The following DBF4 variants were observed in gnomAD, a reference collection of about 807,000 sequenced individuals.
DBF4 encodes DBF4-CDC7 kinase regulatory subunit, also known as protein DBF4 homolog A.
DBF4 carries 25 observed loss-of-function variants against 76.6 expected under a neutral mutation model. The observed-to-expected ratio is 0.33, with a 90% CI of 0.24 to 0.46. The LOEUF (loss-of-function observed/expected upper bound fraction) is 0.46. Among genes scored for constraint, DBF4 ranks in the 20% least tolerant of loss-of-function variants. The pLI is 1.00. For synonymous variants in DBF4, 213 were observed against 258.0 expected (o/e 0.83, Z 1.67); for missense variants, 638 against 760.8 (o/e 0.84, Z 1.90).
intron 8 of DBF4, among the ~76,000 whole-genome samples, chr7:87,898,546 C>T (rs973506846): frequency 2.0e-5 from 3 of 152,068 alleles, no homozygotes; most frequent in Non-Finnish European, 4.4e-5. Flanking sequence ...AATCCTAGCA[C>T]TTTGGGAGGC....
chr7:87,886,991 T>C (rs1233874147), intron 4 of DBF4, 97 bp downstream of exon 4: 2 of 873,618 alleles, frequency 2.3e-6, no homozygotes, highest in Non-Finnish European at 3.5e-6. Flanking sequence ...TCCACATTTT[T>C]AGGCAAAAAC....
intron 11 of DBF4, among the ~76,000 whole-genome samples, chr7:87,906,055 G>T (rs1193144883): frequency 1.3e-5 from 2 of 152,042 alleles, no homozygotes; most frequent in Non-Finnish European, 2.9e-5. Flanking sequence ...CTACTTAGGA[G>T]GCTGAGGCGC....
chr7:87,903,944 C>T (rs1376684733), intron 10 of DBF4, among the ~76,000 whole-genome samples: 1 of 152,146 alleles, frequency 6.6e-6, no homozygotes, highest in East Asian at 1.9e-4. Context: ...GATCCGCCCA[C>T]CTCGGCCTCC....
chr7:87,893,138 C>T (rs1478157559), intron 6 of DBF4, among the ~76,000 whole-genome samples: 3 of 152,092 alleles, frequency 2.0e-5, no homozygotes, highest in Non-Finnish European at 2.9e-5. Flanking sequence ...ATTGAAATTA[C>T]CAAGTAAAAT....
At chr7:87,899,046 A>G (rs1246019325) in intron 8 of DBF4, among the ~76,000 whole-genome samples, 1 of 152,164 alleles carries the variant, frequency 6.6e-6, no homozygotes, top group Non-Finnish European at 1.5e-5. Flanking sequence ...ATACACATGC[A>G]AAAGAATGGC....
At chr7:87,904,587 A>G (rs1839870339) in intron 11 of DBF4, among the ~76,000 whole-genome samples, 171 bp downstream of exon 11, 1 of 151,964 alleles carries the variant, frequency 6.6e-6, no homozygotes, top group Non-Finnish European at 1.5e-5. Flanking sequence ...TAAAAAAATA[A>G]AAAATTAGCC....
chr7:87,881,621 G>C (rs6955897), intron 2 of DBF4, among the ~76,000 whole-genome samples: 18 of 152,074 alleles, frequency 1.2e-4, no homozygotes, highest in African/African-American at 4.3e-4. Context: ...GGGCATGTGG[G>C]AATTCATTCA....
At chr7:87,886,758 A>G (rs1839366132) in intron 3 of DBF4, 86 bp from the exon 4 acceptor site, 1 of 838,002 alleles carries the variant, frequency 1.2e-6, no homozygotes, top group African/African-American at 1.8e-5. Flanking sequence ...ATGAGACCCA[A>G]AAGTTCTCTT....
In DBF4 at chr7:87,908,258, C is replaced by T; in HGVS notation, c.*95C>T. 3 of 1,259,656 alleles carry T rather than the reference C, an allele frequency of 2.4e-6. No individual in the cohort carries two copies. Among genetic ancestry groups the T allele is most frequent in the Middle Eastern group, 2.9e-4 (1 of 3,496 alleles). The allele number at this position is 1,259,656 out of a possible 1,614,324, so 78.0% of individuals were successfully genotyped here. Reference sequence around the variant, plus strand: ...GAAATTCTTAGGATTTTTTTACCAGCTTTGTTTACAGACCCAAATGTAAAT... The same window carrying T: ...GAAATTCTTAGGATTTTTTTACCAGTTTTGTTTACAGACCCAAATGTAAAT... On this transcript the variant is annotated 3_prime_UTR_variant, in exon 12 of 12. Coordinates refer to ENST00000265728, the MANE Select transcript of DBF4 (RefSeq NM_006716.4).
intron 8 of DBF4, among the ~76,000 whole-genome samples, chr7:87,899,485 A>G (rs1365567253): frequency 3.3e-5 from 5 of 152,256 alleles, no homozygotes; most frequent in Non-Finnish European, 7.3e-5. Flanking sequence ...ATACACAAAT[A>G]GCCAATAAGC....
chr7:87,906,000 GA>G (rs919241602), intron 11 of DBF4, among the ~76,000 whole-genome samples: 192 of 138,366 alleles, frequency 1.4e-3, no homozygotes, highest in Middle Eastern at 3.6e-3. Flanking sequence ...CATCTCCACT[GA>G]AAAAAAAAAA....
At position 87,909,304 on chromosome 7, in the gene DBF4, C is replaced by G. The variant is rs181605856; in HGVS notation, c.*1141C>G. The G allele has an allele frequency of 3.3e-5, 5 of 152,230 alleles. No individual in the cohort carries two copies. In the East Asian group the frequency reaches 7.7e-4, roughly 24 times the overall value. The allele number at this position is 152,230 out of a possible 1,614,324, so 9.4% of individuals were successfully genotyped here. On this transcript the variant is annotated 3_prime_UTR_variant, in exon 12 of 12. Transcript: ENST00000265728. ...TATGTTCTTGTAGGAGTAAGACTAC[C>G]ACCAGTGACATTCAATTGGTTCTAT...
chr7:87,887,413 A>G lies in DBF4; in HGVS notation c.520+15A>G. On this transcript the variant is annotated intron_variant, in intron 5 of 11. Transcript: ENST00000265728. Reference sequence around the variant, plus strand: ...TCATATTGATGGTAAGGATTTTATAATTGTTTTTTGACAGTATTTGTTTTA... The same window carrying G: ...TCATATTGATGGTAAGGATTTTATAGTTGTTTTTTGACAGTATTTGTTTTA... The G allele has an allele frequency of 6.4e-7, 1 of 1,559,694 alleles. No individual in the cohort carries two copies. Among genetic ancestry groups the G allele is most frequent in the Non-Finnish European group, 8.7e-7 (1 of 1,145,520 alleles).
In DBF4 at chr7:87,884,966, T is replaced by G; in HGVS notation, c.220-13T>G. ...AACAAATTTATAAATAAAAATACTT[T>G]GTTCTCTTCTAGCGAGTTGAAGAAT... is the stretch of plus-strand genomic sequence containing the variant. On this transcript the variant is annotated splice_polypyrimidine_tract_variant and intron_variant, in intron 2 of 11. Transcript: ENST00000265728. 6.3e-7 allele frequency: 1 copy of G among 1,582,408 alleles called. No individual in the cohort carries two copies. Among genetic ancestry groups the G allele is most frequent in the Non-Finnish European group, 8.6e-7 (1 of 1,156,830 alleles).
chr7:87,882,225 T>A (rs952832076), intron 2 of DBF4, among the ~76,000 whole-genome samples: 1 of 152,128 alleles, frequency 6.6e-6, no homozygotes, highest in African/African-American at 2.4e-5. Flanking sequence ...AGACCATTCA[T>A]TGGGGAAAAG....
chr7:87,897,722 AT>A (rs1839676308), intron 8 of DBF4, among the ~76,000 whole-genome samples: 2 of 152,222 alleles, frequency 1.3e-5, no homozygotes, highest in South Asian at 4.1e-4. Flanking sequence ...AACATCTAAC[AT>A]GGTTGATTTC....
At chr7:87,891,331 CT>C (rs1313352157) in intron 6 of DBF4, among the ~76,000 whole-genome samples, 1 of 151,932 alleles carries the variant, frequency 6.6e-6, no homozygotes, top group African/African-American at 2.4e-5. Flanking sequence ...GTTCCTGTTT[CT>C]ATTTTCCAGA....
At chr7:87,896,244 T>G in intron 6 of DBF4, 1 of 392,150 alleles carries the variant, frequency 2.6e-6, no homozygotes, top group East Asian at 4.4e-5. Flanking sequence ...ACCTTTTCAT[T>G]ATTGGTTTTC....
At chr7:87,887,808 G>A (rs149672123) in intron 5 of DBF4, among the ~76,000 whole-genome samples, 175 bp from the exon 6 acceptor site, 30 of 152,146 alleles carry the variant, frequency 2.0e-4, no homozygotes, top group African/African-American at 7.2e-4. Context: ...AGTAAGTACT[G>A]TCACACTGGG....
Sources: gnomAD v4.1 joint callset for allele counts (sites outside exome capture counted in the v4.1 genomes callset) on GRCh38, gnomAD v4.1.1 for gene constraint, MANE v1.5 for transcripts, NCBI Gene and HGNC (gene_info 2026-07-23, HGNC 2026-07-21) for gene names.